AKAP5: variants seen among roughly 807,000 people sequenced by gnomAD.
AKAP5 encodes A-kinase anchoring protein 5.
Under a neutral mutation model 13.8 loss-of-function variants are expected in AKAP5, and 5 were observed. The observed-to-expected ratio is 0.36, with a 90% CI of 0.19 to 0.76. AKAP5 has a LOEUF of 0.76. Ranked by LOEUF, AKAP5 falls within the 30% of genes least tolerant of loss-of-function variation. The probability of loss-of-function intolerance (pLI) is 0.51; values close to 1 mark genes in which losing one functional copy is unlikely to be tolerated. For missense variants in AKAP5, 406 were observed against 484.4 expected (o/e 0.84, Z 1.52); for synonymous variants, 148 against 167.2 (o/e 0.89, Z 0.89).
At position 64,472,338 on chromosome 14, in the gene AKAP5, T is replaced by C. The variant is rs1241334734; in HGVS notation, c.*2660T>C. ...CCAATACACTTGCATTGTAAATGTTTAGTAATCTCATGAACAAGCAAAAAG... is the reference window on the plus strand; with the variant it reads ...CCAATACACTTGCATTGTAAATGTTCAGTAATCTCATGAACAAGCAAAAAG... On this transcript the variant is annotated 3_prime_UTR_variant, in exon 2 of 2. Transcript: ENST00000394718. 6.0e-6 allele frequency: 1 copy of C among 167,100 alleles called. No individual in the cohort carries two copies. Among genetic ancestry groups the C allele is most frequent in the Non-Finnish European group, 1.5e-5 (1 of 68,112 alleles). 10.4% of individuals were successfully genotyped at this position (167,100 alleles called of 1,614,324 possible).
rs2141003107 is a variant in AKAP5 at position 64,468,254 on chromosome 14, C to T, written c.-141C>T. ...ATACTAGAGAAACCACCTAAAACAA[C>T]TGTATGGAGTAAGATGAAAGGTATG... is the stretch of plus-strand genomic sequence containing the variant. On this transcript the variant is annotated 5_prime_UTR_variant, in exon 2 of 2. Coordinates refer to ENST00000394718, the MANE Select transcript of AKAP5 (RefSeq NM_004857.3). The T allele has an allele frequency of 2.8e-6, 2 of 703,564 alleles. No homozygotes were observed. The highest frequency in any genetic ancestry group is 5.9e-5 in the East Asian group (2 of 33,984). The allele number at this position is 703,564 out of a possible 1,614,324, so 43.6% of individuals were successfully genotyped here.
At chr14:64,467,309 TGAGG>T (rs1320261702) in intron 1 of AKAP5, 2 of 152,212 alleles carry the variant, frequency 1.3e-5, no homozygotes, top group African/African-American at 2.4e-5. Context: ...AATATTGTGG[TGAGG>T]ATTAGAGATG....
In AKAP5 at chr14:64,473,309, G is replaced by A. The variant is rs1050897181; in HGVS notation, c.*3631G>A. The A allele has an allele frequency of 6.0e-6, 1 of 167,080 alleles. No individual in the cohort carries two copies. The highest frequency in any genetic ancestry group is 6.5e-5 in the Admixed American group (1 of 15,282). The allele number at this position is 167,080 out of a possible 1,614,324, so 10.3% of individuals were successfully genotyped here. On this transcript the variant is annotated 3_prime_UTR_variant, in exon 2 of 2. Transcript: ENST00000394718. ...ATAATAAGCATGTGGCATAAATGGA[G>A]TTGTTCAGAAAAGCTGTCTGCATAA...
At position 64,471,805 on chromosome 14, in the gene AKAP5, G is replaced by T. The variant is rs2078675309; in HGVS notation, c.*2127G>T. On this transcript the variant is annotated 3_prime_UTR_variant, in exon 2 of 2. Coordinates refer to ENST00000394718, the MANE Select transcript of AKAP5 (RefSeq NM_004857.3). ...CATTAGATGATTTTAAATGATCTGG[G>T]TGAATTCTTGCATTGTGTATGGATT... 6.0e-6 allele frequency: 1 copy of T among 167,000 alleles called. No individual in the cohort carries two copies. The allele number at this position is 167,000 out of a possible 1,614,324, so 10.3% of individuals were successfully genotyped here.
rs2078681497 is a variant in AKAP5 at position 64,472,326 on chromosome 14, A to C, written c.*2648A>C. 1 of 167,096 alleles carries C rather than the reference A, an allele frequency of 6.0e-6. No homozygotes were observed. Among genetic ancestry groups the C allele is most frequent in the Non-Finnish European group, 1.5e-5 (1 of 68,112 alleles). 10.4% of individuals were successfully genotyped at this position (167,096 alleles called of 1,614,324 possible). A position where few individuals can be genotyped will look rare whatever the true frequency, so the allele number is the denominator to read the frequency against. ...GATGCCTCCAAGCCAATACACTTGC[A>C]TTGTAAATGTTTAGTAATCTCATGA... is the stretch of plus-strand genomic sequence containing the variant. On this transcript the variant is annotated 3_prime_UTR_variant, in exon 2 of 2. Transcript: ENST00000394718.
rs202045792 is a variant in AKAP5, at chr14:64,468,561, C to T, written c.167C>T (p.Ala56Val). 1.9e-5 allele frequency: 31 copies of T among 1,614,052 alleles called. No individual in the cohort carries two copies. The highest frequency in any genetic ancestry group is 1.0e-4 in the Admixed American group (6 of 60,022). ...AAGCCCAAAGCTGGCTCTGAAGCTG[C>T]TGATGTGGCAAGGAAGTGTCCACAA... ...ALKPKAGSEA[A>V]DVARKCPQEA... The change falls in exon 2 of 2, where the codon GCT (alanine) becomes GTT (valine). Residue 56 changes from alanine to valine, a missense_variant. By Grantham distance (64) the Ala-to-Val change is moderately conservative. Coordinates refer to ENST00000394718, the MANE Select transcript of AKAP5 (RefSeq NM_004857.3).
At position 64,468,349 on chromosome 14, in the gene AKAP5, G is replaced by A; in HGVS notation, c.-46G>A. On this transcript the variant is annotated 5_prime_UTR_variant, in exon 2 of 2. Transcript: ENST00000394718. ...TCTTTTTGTCACAAAAGGCTGCTAA[G>A]GAAGAGAGAATACAGTTTTCTAGAG... 6.6e-7 allele frequency: 1 copy of A among 1,510,828 alleles called. No homozygotes were observed. Among genetic ancestry groups the A allele is most frequent in the East Asian group, 2.3e-5 (1 of 43,104 alleles). The allele number at this position is 1,510,828 out of a possible 1,614,324, so 93.6% of individuals were successfully genotyped here.
chr14:64,468,224 T>C lies in AKAP5; in HGVS notation c.-171T>C, dbSNP rs74058132. On this transcript the variant is annotated 5_prime_UTR_variant, in exon 2 of 2. Transcript: ENST00000394718. ...TTACAAGCCATAGAGAAACTGGGCATTTCTATACTAGAGAAACCACCTAAA... is the reference window on the plus strand; with the variant it reads ...TTACAAGCCATAGAGAAACTGGGCACTTCTATACTAGAGAAACCACCTAAA... 4.7e-3 allele frequency: 2,337 copies of C among 493,572 alleles called. 46 individuals are homozygous for C. The highest frequency in any genetic ancestry group is 0.042 in the African/African-American group (2,119 of 50,210). The allele number at this position is 493,572 out of a possible 1,614,324, so 30.6% of individuals were successfully genotyped here.
rs1383423613 is a variant in AKAP5, at chr14:64,471,918, C to T, written c.*2240C>T. The T allele has an allele frequency of 6.0e-6, 1 of 166,506 alleles. No individual in the cohort carries two copies. Among genetic ancestry groups the T allele is most frequent in the African/African-American group, 2.4e-5 (1 of 41,438 alleles). The allele number at this position is 166,506 out of a possible 1,614,324, so 10.3% of individuals were successfully genotyped here. The stretch of plus-strand genomic sequence containing the variant: ...ATATTGAGACCTCTAACAAAAGAAA[C>T]TAATCTGACTTGGAAATTGAACCAA... On this transcript the variant is annotated 3_prime_UTR_variant, in exon 2 of 2. Coordinates refer to ENST00000394718, the MANE Select transcript of AKAP5 (RefSeq NM_004857.3).
chr14:64,468,806 A>C lies in AKAP5; in HGVS notation c.412A>C (p.Arg138=). Residue 138 remains arginine, a synonymous_variant, in exon 2 of 2, where the codon AGG becomes CGG. Transcript: ENST00000394718. ...PCIKFPRGPK[R]SNHSKIIEDS... is the part of the protein sequence containing the mutation. ...CATAAAATTCCCAAGAGGGCCAAAA[A>C]GGAGTAATCATTCCAAAATTATAGA... The C allele has an allele frequency of 1.2e-6, 2 of 1,614,218 alleles. No individual in the cohort carries two copies. The highest frequency in any genetic ancestry group is 1.7e-6 in the Non-Finnish European group (2 of 1,180,036).
At position 64,469,006 on chromosome 14, in the gene AKAP5, T is replaced by G; in HGVS notation, c.612T>G (p.Thr204=). The G allele has an allele frequency of 6.2e-7, 1 of 1,614,222 alleles. No homozygotes were observed. The highest frequency in any genetic ancestry group is 1.3e-5 in the African/African-American group (1 of 75,060). ...AATCAAATGTGAGCAATAGCACAAC[T>G]TCTGGAGAGAAAGTGATTTCAGTAG... ...VCESNVSNST[T]SGEKVISVEL... Residue 204 remains threonine (T), a synonymous_variant, in exon 2 of 2, where the codon ACT becomes ACG. Coordinates refer to ENST00000394718, the MANE Select transcript of AKAP5 (RefSeq NM_004857.3).
rs2078636990 is a variant in AKAP5 at position 64,468,701 on chromosome 14, G to T, written c.307G>T (p.Gly103Cys). The T allele has an allele frequency of 1.2e-6, 2 of 1,613,970 alleles. No individual in the cohort carries two copies. The highest frequency in any genetic ancestry group is 3.3e-5 in the Admixed American group (2 of 60,008). The change falls in exon 2 of 2, where the codon GGT becomes TGT. Residue 103 changes from glycine (G) to cysteine (C), a missense_variant. By Grantham distance (159) the Gly-to-Cys change is radical (BLOSUM62 -3). Coordinates refer to ENST00000394718, the MANE Select transcript of AKAP5 (RefSeq NM_004857.3). ...ESSKQQKPLE[G>C]EMQPAINAED... ...TTCAAAGCAGCAAAAGCCATTGGAG[G>T]GTGAAATGCAACCTGCAATAAATGC...
chr14:64,468,323 A>T lies in AKAP5; in HGVS notation c.-72A>T. 1 of 1,406,156 alleles carries T rather than the reference A, an allele frequency of 7.1e-7. No individual in the cohort carries two copies. The highest frequency in any genetic ancestry group is 9.5e-7 in the Non-Finnish European group (1 of 1,049,926). 87.1% of individuals were successfully genotyped at this position (1,406,156 alleles called of 1,614,324 possible). A position where few individuals can be genotyped will look rare whatever the true frequency, so the allele number is the denominator to read the frequency against. On this transcript the variant is annotated 5_prime_UTR_variant, in exon 2 of 2. Coordinates refer to ENST00000394718, the MANE Select transcript of AKAP5 (RefSeq NM_004857.3). Reference sequence around the variant, plus strand: ...TTTACCTAGTGTGACATTTTTGCTCATCTTTTTGTCACAAAAGGCTGCTAA... The same window carrying T: ...TTTACCTAGTGTGACATTTTTGCTCTTCTTTTTGTCACAAAAGGCTGCTAA...
rs1289207026 is a variant in AKAP5, at chr14:64,474,496, T to C, written c.*4818T>C. On this transcript the variant is annotated 3_prime_UTR_variant, in exon 2 of 2. Transcript: ENST00000394718. ...TTATTAATACAGAATAAATGTTATA[T>C]TGACTCATGTTTATTCAGATCTTTT... 1.8e-5 allele frequency: 3 copies of C among 167,022 alleles called. No homozygotes were observed. Among genetic ancestry groups the C allele is most frequent in the Non-Finnish European group, 4.4e-5 (3 of 68,130 alleles). 10.3% of individuals were successfully genotyped at this position (167,022 alleles called of 1,614,324 possible).
At position 64,470,295 on chromosome 14, in the gene AKAP5, AT is replaced by A. The variant is rs1388956985; in HGVS notation, c.*618del. Reference sequence around the variant, plus strand: ...GTGGTTTCCTAGTCTTAAGTCTCTTATAAGCGCTATTTGGCCAGGGGCAGTG... The same window carrying A: ...GTGGTTTCCTAGTCTTAAGTCTCTTAAAGCGCTATTTGGCCAGGGGCAGTG... On this transcript the variant is annotated 3_prime_UTR_variant, in exon 2 of 2. Transcript: ENST00000394718. 6.0e-6 allele frequency: 1 copy of A among 167,102 alleles called. No homozygotes were observed. Among genetic ancestry groups the A allele is most frequent in the Non-Finnish European group, 1.5e-5 (1 of 68,146 alleles). The allele number at this position is 167,102 out of a possible 1,614,324, so 10.4% of individuals were successfully genotyped here.
intron 1 of AKAP5, among the ~76,000 whole-genome samples, chr14:64,466,690 T>A (rs1374656226): frequency 6.6e-6 from 1 of 152,218 alleles, no homozygotes; most frequent in Admixed American, 6.5e-5. Flanking sequence ...ATAAACTGAT[T>A]TTCAGGGTTC....
At position 64,471,254 on chromosome 14, in the gene AKAP5, A is replaced by G. The variant is rs1347069922; in HGVS notation, c.*1576A>G. 1 of 153,028 alleles carries G rather than the reference A, an allele frequency of 6.5e-6. No individual in the cohort carries two copies. The highest frequency in any genetic ancestry group is 2.5e-5 in the African/African-American group (1 of 40,398). The allele number at this position is 153,028 out of a possible 1,614,324, so 9.5% of individuals were successfully genotyped here. A position where few individuals can be genotyped will look rare whatever the true frequency, so the allele number is the denominator to read the frequency against. ...TGCAAGCTCCACCTCCTGGGTTCAC[A>G]CCATTCTTCTGCCTCAGCCTCCCAA... On this transcript the variant is annotated 3_prime_UTR_variant, in exon 2 of 2. Coordinates refer to ENST00000394718, the MANE Select transcript of AKAP5 (RefSeq NM_004857.3).
chr14:64,469,648 T>C lies in AKAP5; in HGVS notation c.1254T>C (p.Asp418=). 2 of 1,595,562 alleles carry C rather than the reference T, an allele frequency of 1.3e-6. No individual in the cohort carries two copies. Among genetic ancestry groups the C allele is most frequent in the South Asian group, 1.2e-5 (1 of 86,932 alleles). ...AGCTGGTTAATGAAATGGCCTCTGATGATAATAAAATAAACAATCTTCTAC... is the reference window on the plus strand; with the variant it reads ...AGCTGGTTAATGAAATGGCCTCTGACGATAATAAAATAAACAATCTTCTAC... ...IEQLVNEMAS[D]DNKINNLLQ The change falls in exon 2 of 2, where the codon GAT becomes GAC. Residue 418 remains aspartate, a synonymous_variant. Transcript: ENST00000394718.
At position 64,473,055 on chromosome 14, in the gene AKAP5, A is replaced by G. The variant is rs2078691111; in HGVS notation, c.*3377A>G. On this transcript the variant is annotated 3_prime_UTR_variant, in exon 2 of 2. Coordinates refer to ENST00000394718, the MANE Select transcript of AKAP5 (RefSeq NM_004857.3). ...TTAGCTACTTGTTAACTTTTTCAGC[A>G]TATTATCATTCCTCTTTTAAGACTC... 6.0e-6 allele frequency: 1 copy of G among 167,058 alleles called. No individual in the cohort carries two copies. Among genetic ancestry groups the G allele is most frequent in the Admixed American group, 6.5e-5 (1 of 15,268 alleles). 10.3% of individuals were successfully genotyped at this position (167,058 alleles called of 1,614,324 possible).
Sources: gnomAD v4.1 joint callset for allele counts (sites outside exome capture counted in the v4.1 genomes callset) on GRCh38, gnomAD v4.1.1 for gene constraint, MANE v1.5 for transcripts, NCBI Gene and HGNC (gene_info 2026-07-23, HGNC 2026-07-21) for gene names.